HELZ2: variants seen among roughly 807,000 people sequenced by gnomAD.
HELZ2 encodes the protein helicase with zinc finger 2.
HELZ2 carries 143 observed loss-of-function variants against 208.8 expected under a neutral mutation model. The ratio of observed to expected loss-of-function variants is 0.68; its 90% CI spans 0.60 to 0.79. The LOEUF is 0.79. Among genes scored for constraint, HELZ2 ranks in the 30% least tolerant of loss-of-function variants. The pLI is 0.00. For missense variants in HELZ2, 3,690 were observed against 3,794.5 expected, an observed-to-expected ratio of 0.97 and a Z score of 0.72; for synonymous variants, 1,705 against 1,693.7, an observed-to-expected ratio of 1.01 and a Z score of -0.16.
intron 6 of HELZ2, 34 bp downstream of exon 7, chr20:63,566,810 C>A (rs142958047): frequency 6.5e-7 from 1 of 1,543,320 alleles, no homozygotes; most frequent in African/African-American, 1.4e-5. Flanking sequence ...AGCAGGGGTG[C>A]GGTCGGGGGC....
chr20:63,573,298 A>G (rs2083031657), upstream of HELZ2: 2 of 152,234 alleles, frequency 1.3e-5, no homozygotes, highest in Admixed American at 1.3e-4. The surrounding 1 kb of genome is among the most constrained non-coding windows in gnomAD (Gnocchi z 4.9). Context: ...CGGCCTCTCC[A>G]CCAGGCAAGG....
rs773872287 is a variant in HELZ2, at chr20:63,563,460, G to A, written c.5362C>T (p.Arg1788Trp). 9.5e-5 allele frequency: 145 copies of A among 1,522,810 alleles called. 1 individual carries two copies. Among genetic ancestry groups the A allele is most frequent in the Non-Finnish European group, 1.1e-4 (122 of 1,139,404 alleles). The allele number at this position is 1,522,810 out of a possible 1,614,324, so 94.3% of individuals were successfully genotyped here. The stretch of plus-strand genomic sequence containing the variant: ...CGCCACAGGAGCCGCAGGCCCGGCC[G>A]GCCTGCCAGGGCGTGGGGGTGCTCG... Residue 1788 changes from arginine (R) to tryptophan (W), a missense_variant, in exon 8 of 19, where the codon CGG becomes TGG. Arg to Trp is a moderately radical substitution (Grantham distance 101). Coordinates refer to ENST00000467148, the Ensembl canonical transcript of HELZ2.
At chr20:63,568,203 C>G (rs1451962458) in intron 5 of HELZ2, 155 bp downstream of exon 6, 2 of 659,492 alleles carry the variant, frequency 3.0e-6, no homozygotes, top group East Asian at 2.7e-5. Context: ...CCTCGGTGCC[C>G]TGAGCTGGGC....
exon 1 of HELZ2, chr20:63,572,297 G>T: frequency 2.5e-6 from 4 of 1,586,672 alleles, no homozygotes; most frequent in Non-Finnish European, 3.4e-6. Flanking sequence ...GCCAAGGGGG[G>T]CCGTGCGCCC....
At chr20:63,572,942 G>T (rs2083029221), upstream of HELZ2, 1 of 153,182 alleles carries the variant, frequency 6.5e-6, no homozygotes, top group Non-Finnish European at 1.5e-5. Flanking sequence ...CTTAAAGCGG[G>T]CCAGCAGGAT....
rs765368942 is a variant in HELZ2 at position 63,570,875 on chromosome 20, G to C, written c.279-7C>G. 1.5e-5 allele frequency: 24 copies of C among 1,579,074 alleles called. No homozygotes were observed. Among genetic ancestry groups the C allele is most frequent in the Non-Finnish European group, 2.1e-5 (24 of 1,158,896 alleles). On this transcript the variant is annotated splice_polypyrimidine_tract_variant and splice_region_variant and intron_variant, in intron 1 of 18. Coordinates refer to ENST00000467148, the Ensembl canonical transcript of HELZ2. ...ATACTCACAGAGGTCAGGCCTGGGGGACAGGGAGGTCAGCAGGGCTACACA... is the reference window on the plus strand; with the variant it reads ...ATACTCACAGAGGTCAGGCCTGGGGCACAGGGAGGTCAGCAGGGCTACACA...
chr20:63,570,647 A>AGGG, intron 2 of HELZ2, 36 bp from the exon 4 acceptor site: 24 of 1,497,138 alleles, frequency 1.6e-5, no homozygotes, highest in Non-Finnish European at 2.1e-5. Flanking sequence ...AGAGGCCTGG[A>AGGG]CCCCACCCCA....
rs891912018 is a variant in HELZ2 at position 63,561,332 on chromosome 20, C to T, written c.6953+18G>A. 6.2e-7 allele frequency: 1 copy of T among 1,612,676 alleles called. No individual in the cohort carries two copies. The highest frequency in any genetic ancestry group is 1.3e-5 in the African/African-American group (1 of 74,946). ...CCCATGCTGCAGGCAGCTCCACCCC[C>T]TGGCCCCTGCCACTTACCAGACCAG... On this transcript the variant is annotated intron_variant, in intron 13 of 18. Coordinates refer to ENST00000467148, the Ensembl canonical transcript of HELZ2.
At chr20:63,562,072 C>T (rs1236635202) in exon 10 of HELZ2, 1 of 1,605,856 alleles carries the variant, frequency 6.2e-7, no homozygotes, top group Non-Finnish European at 8.5e-7. Flanking sequence ...TGGGCCCTAC[C>T]TGGTGGGCCC....
At chr20:63,565,211 A>G in exon 8 of HELZ2, 1 of 1,608,486 alleles carries the variant, frequency 6.2e-7, no homozygotes, top group Non-Finnish European at 8.5e-7. Context: ...GCGGCACACA[A>G]ACGCCAGCTC....
exon 6 of HELZ2, chr20:63,567,363 G>C: frequency 1.2e-6 from 2 of 1,601,342 alleles, no homozygotes; most frequent in South Asian, 2.2e-5. Context: ...CCTCATCGAT[G>C]AGAATGTGGG....
exon 6 of HELZ2, chr20:63,566,971 G>T: frequency 1.2e-6 from 2 of 1,611,266 alleles, no homozygotes; most frequent in Non-Finnish European, 8.5e-7. Context: ...CAGCCAGGAC[G>T]CCATGGACAT....
At chr20:63,572,338 G>A in exon 1 of HELZ2, 1 of 1,577,080 alleles carries the variant, frequency 6.3e-7, no homozygotes, top group Non-Finnish European at 8.6e-7. Flanking sequence ...GTGTGAGCAG[G>A]TCCCCCCGCT....
At chr20:63,566,885 G>T in exon 6 of HELZ2, 1 of 1,607,024 alleles carries the variant, frequency 6.2e-7, no homozygotes. Flanking sequence ...CTCTGCTCGC[G>T]GCCGCCCCAG....
At chr20:63,572,476 G>A (rs2083025099), upstream of HELZ2, 3 of 1,353,294 alleles carry the variant, frequency 2.2e-6, no homozygotes, top group Middle Eastern at 8.0e-4. Context: ...CAGGAGGCTG[G>A]CCGGCCCGGG....
At chr20:63,567,956 G>T in intron 5 of HELZ2, 1 of 559,398 alleles carries the variant, frequency 1.8e-6, no homozygotes. Flanking sequence ...CCACTGGGCA[G>T]GGATGGGAAG....
chr20:63,564,081 C>T (rs755910447), exon 8 of HELZ2: 12 of 1,607,610 alleles, frequency 7.5e-6, no homozygotes, highest in African/African-American at 4.0e-5. Context: ...AGGTGGTGGC[C>T]GAGGTGCAGT....
chr20:63,565,707 A>G (rs1213368424), exon 8 of HELZ2: 3 of 1,607,486 alleles, frequency 1.9e-6, no homozygotes, highest in Non-Finnish European at 2.5e-6. Flanking sequence ...CCTGCCGCAC[A>G]GGCCCCGGGC....
rs773695358 is a variant in HELZ2 at position 63,567,147 on chromosome 20, C to A, written c.2211G>T (p.Leu737=). 3.7e-6 allele frequency: 6 copies of A among 1,610,468 alleles called. No individual in the cohort carries two copies. In the East Asian group the frequency reaches 1.1e-4, roughly 30 times the overall value. ...TGCAGCGGTAGTTCTCGTGGAAGAC[C>A]AGGCGGCTCTGCCGCGCCACCTCGT... Residue 737 remains leucine, a synonymous_variant, in exon 6 of 19, where the codon CTG becomes CTT. Coordinates refer to ENST00000467148, the Ensembl canonical transcript of HELZ2.
Sources: gnomAD v4.1 joint callset for allele counts on GRCh38, gnomAD v4.1.1 for gene constraint, Gnocchi (gnomAD v3.1) non-coding constraint, MANE v1.5 for transcripts, NCBI Gene and HGNC (gene_info 2026-07-23, HGNC 2026-07-21) for gene names.